The following MYO10 variants were observed in gnomAD, a reference collection of about 807,000 sequenced individuals.
MYO10 encodes unconventional myosin-X.
A neutral mutation model predicts 257.3 loss-of-function variants in MYO10; 133 were observed. That is an observed-to-expected ratio of 0.52 (90% CI 0.45 to 0.60). The LOEUF is 0.60. Among genes scored for constraint, MYO10 ranks in the 20% least tolerant of loss-of-function variants. MYO10 has a pLI of 0.00. For synonymous variants in MYO10, 1,104 were observed against 1,028.6 expected (o/e 1.07, Z -1.40); for missense variants, 2,399 against 2,635.7 (o/e 0.91, Z 1.97).
intron 2 of MYO10, among the ~76,000 whole-genome samples, chr5:16,850,204 T>C (rs1743757698): frequency 6.6e-6 from 1 of 152,256 alleles, no homozygotes; most frequent in Admixed American, 6.5e-5. Context: ...CGATTCATTC[T>C]GCTATTCTTT....
chr5:16,685,703 A>AACCCCCCCCCCCCAACCCCCCCC, intron 29 of MYO10, 35 bp downstream of exon 29: 1 of 1,266,244 alleles, frequency 7.9e-7, no homozygotes, highest in Admixed American at 2.0e-5. Flanking sequence ...CTGCCCCTAG[A>AACCCCCCCCCCCCAACCCCCCCC]CGCCCCACCC....
chr5:16,933,695 A>T (rs889794076), intron 1 of MYO10, among the ~76,000 whole-genome samples: 3 of 152,214 alleles, frequency 2.0e-5, no homozygotes, highest in African/African-American at 7.2e-5. Flanking sequence ...CTCCATTACA[A>T]GACATGAGAG....
chr5:16,844,806 A>G (rs1418113948), intron 2 of MYO10, among the ~76,000 whole-genome samples: 2 of 136,298 alleles, frequency 1.5e-5, no homozygotes, highest in Non-Finnish European at 3.1e-5. Context: ...GCAGAACTCT[A>G]AAAGTTTCAC....
chr5:16,674,842 C>G lies in MYO10; in HGVS notation c.4964+11G>C, dbSNP rs1736650015. 2 of 1,613,458 alleles carry G rather than the reference C, an allele frequency of 1.2e-6. No homozygotes were observed. The highest frequency in any genetic ancestry group is 1.7e-6 in the Non-Finnish European group (2 of 1,179,766). On this transcript the variant is annotated intron_variant, in intron 35 of 40. Transcript: ENST00000513610. ...TCTGCCCAGCTCATCTCCCGTGCCC[C>G]CATGCTTTACCTTTTCAGATGGAAC...
intron 2 of MYO10, among the ~76,000 whole-genome samples, chr5:16,855,990 C>T (rs972057350): frequency 2.0e-5 from 3 of 152,172 alleles, no homozygotes; most frequent in Admixed American, 6.5e-5. Flanking sequence ...GCCAGATGAA[C>T]GACGGACTTT....
intron 19 of MYO10, among the ~76,000 whole-genome samples, chr5:16,722,445 ATTTG>A (rs769889948): frequency 1.3e-5 from 2 of 152,166 alleles, no homozygotes; most frequent in Admixed American, 6.5e-5. Flanking sequence ...TTTCTAATAT[ATTTG>A]TTTAATTAGC....
At chr5:16,879,189 A>AT (rs1329367306) in intron 1 of MYO10, among the ~76,000 whole-genome samples, 3 of 152,122 alleles carry the variant, frequency 2.0e-5, no homozygotes, top group African/African-American at 7.2e-5. Flanking sequence ...ATAGCACTTG[A>AT]TTTTTTTCTC....
chr5:16,867,202 A>G (rs987103126), intron 2 of MYO10, among the ~76,000 whole-genome samples: 2 of 152,186 alleles, frequency 1.3e-5, no homozygotes, highest in Non-Finnish European at 2.9e-5. Context: ...ACTTCCCTTC[A>G]GCACTCAGAT....
intron 1 of MYO10, among the ~76,000 whole-genome samples, chr5:16,935,477 C>G (rs991620941): frequency 6.6e-6 from 1 of 152,128 alleles, no homozygotes; most frequent in East Asian, 2.0e-4. Context: ...TCGCCCCGCC[C>G]GCGCCCCGGC....
chr5:16,841,082 T>C (rs112936958), intron 2 of MYO10, among the ~76,000 whole-genome samples: 9,072 of 151,168 alleles, frequency 0.06, 327 homozygotes, highest in Middle Eastern at 0.073. Flanking sequence ...AAAGCGGAGA[T>C]TGCAGTGAGC....
chr5:16,879,773 G>C (rs939453209), intron 1 of MYO10, among the ~76,000 whole-genome samples: 1 of 152,150 alleles, frequency 6.6e-6, no homozygotes, highest in African/African-American at 2.4e-5. Flanking sequence ...GTTATCACAC[G>C]TAACTATTTG....
At chr5:16,887,103 G>C (rs1263330880) in intron 1 of MYO10, among the ~76,000 whole-genome samples, 1 of 151,988 alleles carries the variant, frequency 6.6e-6, no homozygotes, top group Non-Finnish European at 1.5e-5. Context: ...CCATGTTTTT[G>C]GTCCTTCCCA....
intron 2 of MYO10, among the ~76,000 whole-genome samples, chr5:16,854,720 T>TAAAAC (rs550093716): frequency 1.2e-4 from 19 of 152,042 alleles, no homozygotes; most frequent in South Asian, 4.1e-4. Flanking sequence ...ACTGTTCAAT[T>TAAAAC]AAAACAAAAC....
chr5:16,735,917 A>C (rs745918497), intron 19 of MYO10, among the ~76,000 whole-genome samples: 51 of 152,156 alleles, frequency 3.4e-4, no homozygotes, highest in Non-Finnish European at 7.1e-4. Context: ...CCCAACCCTC[A>C]CTAGAGCTAA....
chr5:16,816,676 A>G (rs7722608), intron 3 of MYO10, among the ~76,000 whole-genome samples: 23,690 of 151,022 alleles, frequency 0.16, 2,035 homozygotes, highest in South Asian at 0.28. Flanking sequence ...GATTACAGGC[A>G]CACGCCACCA....
At position 16,694,498 on chromosome 5, in the gene MYO10, C is replaced by T. The variant is rs202213331; in HGVS notation, c.3673G>A (p.Gly1225Ser). The change falls in exon 27 of 41, where the codon GGC becomes AGC. Residue 1225 changes from glycine to serine, a missense_variant. Transcript: ENST00000513610. ...KQGWLHKKGG[G>S]SSTLSRRNWK... ...TTTCTCCTGGACAGCGTGGAGGAGC[C>T]CCCCCCTTTTTTGTGGAGCCAGCCT... 8 of 1,613,806 alleles carry T rather than the reference C, an allele frequency of 5.0e-6. No individual in the cohort carries two copies. Among genetic ancestry groups the T allele is most frequent in the East Asian group, 2.2e-5 (1 of 44,892 alleles).
intron 39 of MYO10, 133 bp from the exon 40 acceptor site, chr5:16,668,601 T>C (rs766591049): frequency 3.9e-4 from 242 of 618,034 alleles, no homozygotes; most frequent in Non-Finnish European, 5.4e-4. Flanking sequence ...CATGCATGCA[T>C]GGAGGGGCCT....
At chr5:16,822,719 C>A (rs188056268) in intron 2 of MYO10, among the ~76,000 whole-genome samples, 4 of 150,530 alleles carry the variant, frequency 2.7e-5, no homozygotes, top group Non-Finnish European at 4.4e-5. Flanking sequence ...ACGGAGTCTC[C>A]CTCTGTCGCC....
chr5:16,906,895 T>G (rs1745534281), intron 1 of MYO10, among the ~76,000 whole-genome samples: 1 of 152,130 alleles, frequency 6.6e-6, no homozygotes, highest in Admixed American at 6.5e-5. Flanking sequence ...GTGGATCACC[T>G]GAGGTCAGGA....
Sources: allele counts gnomAD v4.1 joint callset (sites outside exome capture counted in the v4.1 genomes callset), GRCh38; gene constraint gnomAD v4.1.1; transcripts MANE v1.5; gene names NCBI Gene and HGNC (gene_info 2026-07-23, HGNC 2026-07-21).